SUV39H2: variants seen among roughly 807,000 people sequenced by gnomAD.
SUV39H2 encodes SUV39H2 histone lysine methyltransferase, also known as histone-lysine N-methyltransferase SUV39H2.
A neutral mutation model predicts 47.5 loss-of-function variants in SUV39H2; 10 were observed. The ratio of observed to expected loss-of-function variants is 0.21; its 90% confidence interval spans 0.13 to 0.36. SUV39H2 has a LOEUF of 0.36. Ranked by LOEUF, SUV39H2 falls within the 10% of genes least tolerant of loss-of-function variation. The pLI, the probability that SUV39H2 is intolerant of heterozygous loss-of-function variation, is 1.00. For synonymous variants in SUV39H2, 159 were observed against 166.8 expected, an observed-to-expected ratio of 0.95 and a Z score of 0.36; for missense variants, 266 against 487.4, an observed-to-expected ratio of 0.55 and a Z score of 4.28.
At chr10:14,893,129 G>A (rs1252110581) in intron 2 of SUV39H2, among the ~76,000 whole-genome samples, 4 of 147,738 alleles carry the variant, frequency 2.7e-5, no homozygotes, top group African/African-American at 7.5e-5. Context: ...TCAGCCTCCC[G>A]AGTAGCTGGG....
intron 2 of SUV39H2, among the ~76,000 whole-genome samples, chr10:14,890,365 A>G (rs376157561): frequency 1.4e-4 from 21 of 152,270 alleles, no homozygotes; most frequent in African/African-American, 4.6e-4. Context: ...CTATGCTCCC[A>G]TGGAACCACT....
At chr10:14,882,968 A>G (rs1310544726) in intron 2 of SUV39H2, among the ~76,000 whole-genome samples, 1 of 150,838 alleles carries the variant, frequency 6.6e-6, no homozygotes, top group Non-Finnish European at 1.5e-5. Flanking sequence ...CCTGGGTTCC[A>G]GCGATTCTCC....
At chr10:14,894,203 T>G (rs1328741881) in intron 2 of SUV39H2, among the ~76,000 whole-genome samples, 1 of 149,774 alleles carries the variant, frequency 6.7e-6, no homozygotes, top group Non-Finnish European at 1.5e-5. Flanking sequence ...ATTTGACAAA[T>G]ACTAAAATGT....
chr10:14,879,007 A>G, intron 1 of SUV39H2, 88 bp downstream of exon 1: 1 of 1,325,306 alleles, frequency 7.5e-7, no homozygotes, highest in South Asian at 2.1e-5. Flanking sequence ...CGGGCCAGCC[A>G]GATGGCGACG....
rs7896464 is a variant in SUV39H2, at chr10:14,899,056, T to G, written c.850-483T>G. 208,733 of 587,386 alleles carry G rather than the reference T, an allele frequency of 0.36. 41,801 individuals carry two copies. Among genetic ancestry groups the G allele is most frequent in the African/African-American group, 0.66 (35,432 of 53,822 alleles). The allele number at this position is 587,386 out of a possible 1,614,324, so 36.4% of individuals were successfully genotyped here. On this transcript the variant is annotated intron_variant, in intron 3 of 5. Transcript: ENST00000354919. ...GTTTAAAAAGTCATAAATCAACCAG[T>G]TACAGTTAATCCCAGCACTTGGGGA...
In SUV39H2 at chr10:14,881,635, A is replaced by C; in HGVS notation, c.167A>C (p.Lys56Thr). ...GAGGTGGAATACTTGTGTGACTACA[A>C]GGTAGTAAAGGTAAGGCAAATATCT... ...NYEVEYLCDY[K>T]VVKDMEYYLV... is the part of the protein sequence containing the mutation. The change falls in exon 2 of 6, where the codon AAG (lysine) becomes ACG (threonine). Residue 56 changes from lysine (K) to threonine (T), a missense_variant. By Grantham distance (78) the Lys-to-Thr change is moderately conservative (BLOSUM62 -1). Coordinates refer to ENST00000354919, the MANE Select transcript of SUV39H2 (RefSeq NM_001193424.2). 1.3e-6 allele frequency: 2 copies of C among 1,575,368 alleles called. No individual in the cohort carries two copies. Among genetic ancestry groups the C allele is most frequent in the Non-Finnish European group, 1.7e-6 (2 of 1,165,538 alleles).
chr10:14,899,084 T>G, intron 3 of SUV39H2: 1 of 613,084 alleles, frequency 1.6e-6, no homozygotes, highest in Non-Finnish European at 2.9e-6. Context: ...CTTGGGGAGG[T>G]CAAGGCTGGA....
Position 14,899,578 on chromosome 10 carries a change from T to G in SUV39H2, c.889T>G (p.Tyr297Asp). The change falls in exon 4 of 6, where the codon TAT becomes GAT. Residue 297 changes from tyrosine (Y) to aspartate (D), a missense_variant. Coordinates refer to ENST00000354919, the MANE Select transcript of SUV39H2 (RefSeq NM_001193424.2). ...SEEAERRGQF[Y>D]DNKGITYLFD... ...AGAAGCTGAAAGACGAGGACAGTTCTATGACAACAAGGGAATCACGTATCT... is the reference window on the plus strand; with the variant it reads ...AGAAGCTGAAAGACGAGGACAGTTCGATGACAACAAGGGAATCACGTATCT... 1 of 1,614,208 alleles carries G rather than the reference T, an allele frequency of 6.2e-7. No homozygotes were observed. The highest frequency in any genetic ancestry group is 8.5e-7 in the Non-Finnish European group (1 of 1,180,026).
intron 2 of SUV39H2, among the ~76,000 whole-genome samples, chr10:14,892,816 CTT>C (rs543122499): frequency 0.02 from 2,822 of 139,332 alleles, 93 homozygotes; most frequent in African/African-American, 0.067. Flanking sequence ...GGGGAAATGT[CTT>C]TTTTTTTTTT....
At chr10:14,884,976 C>G (rs147170330) in intron 2 of SUV39H2, among the ~76,000 whole-genome samples, 207 of 152,294 alleles carry the variant, frequency 1.4e-3, no homozygotes, top group Non-Finnish European at 2.4e-3. Context: ...TGAGTGCTTA[C>G]TGTGATTATT....
rs554814557 is a variant in SUV39H2 at position 14,893,249 on chromosome 10, C to T, written c.178-3597C>T. Among the ~76,000 whole-genome samples the T allele has an allele frequency of 5.7e-3, 870 of 151,726 alleles. 10 individuals carry two copies. The highest frequency in any genetic ancestry group is 0.02 in the African/African-American group (829 of 41,378). ...CGATCTCCTGACCTCGTGATCCGCC[C>T]GCCTCGGCCTCCCAAAGTGCTGGGA... On this transcript the variant is annotated intron_variant, in intron 2 of 5. Transcript: ENST00000354919.
intron 2 of SUV39H2, among the ~76,000 whole-genome samples, chr10:14,886,975 G>A (rs1833230250): frequency 6.6e-6 from 1 of 152,176 alleles, no homozygotes. Context: ...AGATGGATGT[G>A]GGAAAGAAAG....
chr10:14,879,306 G>A (rs370606251), intron 1 of SUV39H2, among the ~76,000 whole-genome samples: 1 of 152,216 alleles, frequency 6.6e-6, no homozygotes, highest in Non-Finnish European at 1.5e-5. Context: ...TGGTTCGAGC[G>A]CGGCGTGCGG....
At chr10:14,881,739 T>C (rs934153805) in intron 2 of SUV39H2, 94 bp downstream of exon 2, 23 of 1,127,528 alleles carry the variant, frequency 2.0e-5, no homozygotes, top group Non-Finnish European at 2.6e-5. Flanking sequence ...AGAAAAGCTC[T>C]TCTTAATGTT....
chr10:14,888,859 C>T (rs1248656897), intron 2 of SUV39H2, among the ~76,000 whole-genome samples: 28 of 152,142 alleles, frequency 1.8e-4, no homozygotes. Context: ...AATCCCAGCA[C>T]TTTGGGAGGC....
chr10:14,879,168 G>A, intron 1 of SUV39H2: 1 of 1,182,404 alleles, frequency 8.5e-7, no homozygotes, highest in Non-Finnish European at 1.1e-6. Flanking sequence ...GAAGTGGAGC[G>A]TGGCCTCTCC....
chr10:14,892,750 A>G (rs1157276477), intron 2 of SUV39H2, among the ~76,000 whole-genome samples: 1 of 151,914 alleles, frequency 6.6e-6, no homozygotes, highest in African/African-American at 2.4e-5. Flanking sequence ...ACGTTCATAT[A>G]CTTATTATAG....
At chr10:14,879,310 C>T (rs1345398055) in intron 1 of SUV39H2, among the ~76,000 whole-genome samples, 1 of 152,138 alleles carries the variant, frequency 6.6e-6, no homozygotes, top group Non-Finnish European at 1.5e-5. Context: ...TCGAGCGCGG[C>T]GTGCGGCATG....
intron 2 of SUV39H2, among the ~76,000 whole-genome samples, chr10:14,893,298 C>G (rs558399757): frequency 2.6e-5 from 4 of 152,056 alleles, no homozygotes; most frequent in Non-Finnish European, 5.9e-5. Flanking sequence ...CCACCGCGCC[C>G]GGCCTTTGTA....
Sources: gnomAD v4.1 joint callset for allele counts (sites outside exome capture counted in the v4.1 genomes callset) on GRCh38, gnomAD v4.1.1 for gene constraint, MANE v1.5 for transcripts, NCBI Gene and HGNC (gene_info 2026-07-23, HGNC 2026-07-21) for gene names.